The following CDH18 variants were observed in gnomAD, a reference collection of about 807,000 sequenced individuals.
CDH18 encodes the protein cadherin 18.
A neutral mutation model predicts 67.9 loss-of-function variants in CDH18; 31 were observed. That is an observed-to-expected ratio of 0.46 (90% CI 0.34 to 0.62). The LOEUF (loss-of-function observed/expected upper bound fraction) is 0.62. CDH18 is among the 20% of genes least tolerant of loss of function. The probability of loss-of-function intolerance (pLI) is 0.01; values close to 1 mark genes in which losing one functional copy is unlikely to be tolerated. For synonymous variants in CDH18, 362 were observed against 347.2 expected, an observed-to-expected ratio of 1.04 and a Z score of -0.48; for missense variants, 890 against 975.5, an observed-to-expected ratio of 0.91 and a Z score of 1.17.
intron 11 of CDH18, among the ~76,000 whole-genome samples, chr5:19,496,042 A>G (rs1209699096): frequency 6.6e-6 from 1 of 152,198 alleles, no homozygotes; most frequent in Non-Finnish European, 1.5e-5. Flanking sequence ...TGAAAGTTAA[A>G]TTGGAAGTTT....
At chr5:19,896,318 G>C (rs6451540) in intron 2 of CDH18, among the ~76,000 whole-genome samples, 136,477 of 152,150 alleles carry the variant, frequency 0.9, 61,302 homozygotes, top group Non-Finnish European at 0.92. Flanking sequence ...CATTGCACTC[G>C]AGCCTGGGCA....
intron 10 of CDH18, among the ~76,000 whole-genome samples, chr5:19,509,957 A>G (rs1221709132): frequency 6.6e-6 from 1 of 152,104 alleles, no homozygotes; most frequent in Non-Finnish European, 1.5e-5. Flanking sequence ...TTACATTAGT[A>G]TCTCTATTTA....
intron 11 of CDH18, among the ~76,000 whole-genome samples, chr5:19,490,703 G>C (rs1341632593): frequency 2.0e-5 from 3 of 151,948 alleles, no homozygotes; most frequent in Non-Finnish European, 4.4e-5. Flanking sequence ...GTGGGCCACT[G>C]CGCCCAGCCA....
chr5:19,995,541 A>C (rs1337781842), intron 2 of CDH18, among the ~76,000 whole-genome samples: 1 of 151,566 alleles, frequency 6.6e-6, no homozygotes, highest in Non-Finnish European at 1.5e-5. Context: ...TACTGTCTGA[A>C]CATACTACCT....
chr5:20,356,533 T>G (rs936943347), intron 1 of CDH18, among the ~76,000 whole-genome samples: 1 of 152,130 alleles, frequency 6.6e-6, no homozygotes, highest in Non-Finnish European at 1.5e-5. Context: ...TTATAAATTT[T>G]AATAATATAG....
At chr5:19,884,082 A>T (rs1787943114) in intron 2 of CDH18, among the ~76,000 whole-genome samples, 1 of 152,092 alleles carries the variant, frequency 6.6e-6, no homozygotes, top group South Asian at 2.1e-4. Context: ...TAAGCCTTTT[A>T]TGGAGATTTC....
chr5:20,513,727 A>G (rs888197728), intron 1 of CDH18, among the ~76,000 whole-genome samples: 5 of 152,268 alleles, frequency 3.3e-5, no homozygotes, highest in African/African-American at 1.2e-4. Context: ...CATTCATTGG[A>G]GAGGTCCTAA....
chr5:19,677,521 C>A (rs1759665167), intron 5 of CDH18, among the ~76,000 whole-genome samples: 1 of 151,994 alleles, frequency 6.6e-6, no homozygotes, highest in Admixed American at 6.6e-5. Context: ...GTATAACAAA[C>A]AGCTAACAAC....
chr5:19,533,016 A>C (rs79222773), intron 9 of CDH18, among the ~76,000 whole-genome samples: 2,152 of 152,276 alleles, frequency 0.014, 54 homozygotes, highest in African/African-American at 0.049. Context: ...TATGGAATTC[A>C]GGGGAAAAAT....
At chr5:19,933,065 T>C (rs1793881062) in intron 2 of CDH18, among the ~76,000 whole-genome samples, 1 of 151,574 alleles carries the variant, frequency 6.6e-6, no homozygotes, top group Admixed American at 6.6e-5. Context: ...TGCAGGTCTT[T>C]ATTCAATATC....
intron 2 of CDH18, among the ~76,000 whole-genome samples, chr5:20,115,622 G>C (rs1302780256): frequency 6.6e-6 from 1 of 151,982 alleles, no homozygotes; most frequent in Non-Finnish European, 1.5e-5. Flanking sequence ...TTAGGGGTTA[G>C]GGTATCAACA....
At chr5:20,484,149 T>C (rs985962752) in intron 1 of CDH18, among the ~76,000 whole-genome samples, 2 of 152,064 alleles carry the variant, frequency 1.3e-5, no homozygotes, top group African/African-American at 4.8e-5. Context: ...AAAGAAGACC[T>C]ACAAATGTCC....
chr5:19,569,811 AGGT>A (rs1741060261), intron 8 of CDH18, among the ~76,000 whole-genome samples: 1 of 152,144 alleles, frequency 6.6e-6, no homozygotes, highest in Non-Finnish European at 1.5e-5. Context: ...TACATATTTA[AGGT>A]GATGAATTTC....
chr5:19,551,521 AC>A (rs1737444852), intron 8 of CDH18, among the ~76,000 whole-genome samples: 1 of 152,150 alleles, frequency 6.6e-6, no homozygotes, highest in South Asian at 2.1e-4. Flanking sequence ...GAAATGGAGA[AC>A]CATTTACATA....
intron 1 of CDH18, among the ~76,000 whole-genome samples, chr5:20,340,053 A>G (rs1740126853): frequency 1.3e-5 from 2 of 152,172 alleles, no homozygotes; most frequent in African/African-American, 4.8e-5. Context: ...TCTAATGTGT[A>G]TATTAGAGGG....
chr5:20,513,680 T>C, intron 1 of CDH18, among the ~76,000 whole-genome samples: 1 of 152,168 alleles, frequency 6.6e-6, no homozygotes, highest in East Asian at 1.9e-4. Flanking sequence ...TTCTTATAAC[T>C]TTTTGGGCCT....
At chr5:19,741,050 CAT>C (rs955903843) in intron 4 of CDH18, among the ~76,000 whole-genome samples, 2 of 127,296 alleles carry the variant, frequency 1.6e-5, no homozygotes, top group African/African-American at 5.8e-5. Context: ...ATTCTGTTCA[CAT>C]ATGTTTACTG....
At chr5:19,907,370 G>A (rs1258942905) in intron 2 of CDH18, among the ~76,000 whole-genome samples, 2 of 151,950 alleles carry the variant, frequency 1.3e-5, no homozygotes, top group Non-Finnish European at 2.9e-5. Context: ...AATGAGATAT[G>A]TTGGGGATGG....
chr5:19,915,754 T>G (rs76449995), intron 2 of CDH18, among the ~76,000 whole-genome samples: 2,241 of 151,088 alleles, frequency 0.015, 47 homozygotes, highest in African/African-American at 0.052. Context: ...GGATAGGTGT[T>G]TTTTTTTTCT....
Sources: gnomAD v4.1 joint callset for allele counts (sites outside exome capture counted in the v4.1 genomes callset) on GRCh38, gnomAD v4.1.1 for gene constraint, MANE v1.5 for transcripts, NCBI Gene and HGNC (gene_info 2026-07-23, HGNC 2026-07-21) for gene names.